Variants in BRWD1 observed in about 807,000 individuals in gnomAD.
BRWD1 encodes the protein bromodomain and WD repeat domain containing 1.
Under a neutral mutation model 251.2 loss-of-function variants are expected in BRWD1, and 82 were observed. The observed-to-expected ratio is 0.33, with a 90% CI of 0.27 to 0.39. The LOEUF (loss-of-function observed/expected upper bound fraction) is 0.39. BRWD1 is among the 10% of genes least tolerant of loss of function. The pLI is 1.00. For missense variants in BRWD1, 2,233 were observed against 2,711.6 expected (o/e 0.82, Z 3.92); for synonymous variants, 918 against 902.8 (o/e 1.02, Z -0.30).
chr21:39,236,794 G>A lies in BRWD1; in HGVS notation c.2577-10C>T, dbSNP rs760078119. ...TCTAGATGAAGAGTCACTAGAAAAG[G>A]GGAGTGCTTTCAGTTGAATGGAGCC... On this transcript the variant is annotated splice_polypyrimidine_tract_variant and intron_variant, in intron 22 of 40. Coordinates refer to ENST00000342449, the MANE Select transcript of BRWD1 (RefSeq NM_033656.4). 43 of 1,610,170 alleles carry A rather than the reference G, an allele frequency of 2.7e-5. No individual in the cohort carries two copies. The South Asian group carries it at 4.4e-4, about 17-fold the overall frequency.
In BRWD1 at chr21:39,190,518, T is replaced by A. The variant is rs931238615; in HGVS notation, c.*5741A>T. ...TCAAATCCACAAAGTGGGTAAACCC[T>A]CTAGGTGCAAGTTATAAGCTCCCTC... On this transcript the variant is annotated 3_prime_UTR_variant, in exon 41 of 41. Coordinates refer to ENST00000342449, the MANE Select transcript of BRWD1 (RefSeq NM_033656.4). 1.3e-5 allele frequency: 13 copies of A among 985,246 alleles called. No individual in the cohort carries two copies. Among genetic ancestry groups the A allele is most frequent in the Non-Finnish European group, 4.8e-6 (4 of 829,922 alleles). 61.0% of individuals were successfully genotyped at this position (985,246 alleles called of 1,614,324 possible). A position where few individuals can be genotyped will look rare whatever the true frequency, so the allele number is the denominator to read the frequency against.
chr21:39,201,370 T>G (rs1397364034), intron 38 of BRWD1, among the ~76,000 whole-genome samples: 1 of 152,182 alleles, frequency 6.6e-6, no homozygotes, highest in East Asian at 1.9e-4. Context: ...CCAAACTTAA[T>G]CTTCCTGAAA....
chr21:39,262,384 A>T (rs2034780212), intron 17 of BRWD1, among the ~76,000 whole-genome samples: 1 of 152,202 alleles, frequency 6.6e-6, no homozygotes, highest in Non-Finnish European at 1.5e-5. Context: ...AATGAATCTC[A>T]AAAGCACCAC....
chr21:39,202,074 G>A (rs879655153), intron 38 of BRWD1, among the ~76,000 whole-genome samples: 10 of 152,202 alleles, frequency 6.6e-5, no homozygotes, highest in Non-Finnish European at 1.0e-4. Flanking sequence ...TTCAAATGCT[G>A]CACACCAAGT....
chr21:39,247,700 CAT>C lies in BRWD1; in HGVS notation c.2480_2481del (p.His827ArgfsTer5). On this transcript the variant is annotated frameshift_variant and splice_region_variant, in exon 21 of 41. Coordinates refer to ENST00000342449, the MANE Select transcript of BRWD1 (RefSeq NM_033656.4). LOFTEE classifies it high-confidence loss of function. ...ATAACATTTTAAAGTTTTCCACTCACATGTCTTACAGAGCTTGAAGACTCATT... is the reference window on the plus strand; with the variant it reads ...ATAACATTTTAAAGTTTTCCACTCACGTCTTACAGAGCTTGAAGACTCATT... Reference protein sequence around the residue: ...SGNESSSSVRHETSCDQSEGS... With the variant: ...SGNESSSSVRXETSCDQSEGS... The C allele has an allele frequency of 6.3e-7, 1 of 1,599,010 alleles. No individual in the cohort carries two copies. The highest frequency in any genetic ancestry group is 8.5e-7 in the Non-Finnish European group (1 of 1,175,364).
At position 39,278,790 on chromosome 21, in the gene BRWD1, TC is replaced by T; in HGVS notation, c.955del (p.Glu319LysfsTer21). The T allele has an allele frequency of 1.3e-6, 2 of 1,595,468 alleles. No homozygotes were observed. The highest frequency in any genetic ancestry group is 1.2e-5 in the South Asian group (1 of 86,650). On this transcript the variant is annotated frameshift_variant, in exon 10 of 41. Coordinates refer to ENST00000342449, the MANE Select transcript of BRWD1 (RefSeq NM_033656.4). LOFTEE classifies it high-confidence loss of function. ...CATTTGAACGCCTGGCCTAGGCTTTTCAGTGAACTTCAGGGGACGTGGGCTT... is the reference window on the plus strand; with the variant it reads ...CATTTGAACGCCTGGCCTAGGCTTTTAGTGAACTTCAGGGGACGTGGGCTT... The part of the protein sequence containing the change: ...KFSPRPLKFT[E>X]KPRPGVQMLC...
chr21:39,313,361 G>T (rs887459074), intron 1 of BRWD1, 62 bp from the exon 2 acceptor site: 1 of 1,479,862 alleles, frequency 6.8e-7, no homozygotes, highest in South Asian at 1.3e-5. Flanking sequence ...CGGGGCCAGG[G>T]GAGCCGGGGG....
chr21:39,286,075 T>A (rs544773381), intron 8 of BRWD1, among the ~76,000 whole-genome samples: 1 of 137,240 alleles, frequency 7.3e-6, no homozygotes, highest in Admixed American at 8.5e-5. Context: ...AGTGCAGTGG[T>A]GCGATCTCGG....
At chr21:39,290,550 G>A (rs1450778566) in intron 8 of BRWD1, among the ~76,000 whole-genome samples, 1 of 151,804 alleles carries the variant, frequency 6.6e-6, no homozygotes, top group Admixed American at 6.6e-5. Context: ...TATTCAGTAG[G>A]TGATAAACGC....
intron 1 of BRWD1, 40 bp from the exon 2 acceptor site, chr21:39,313,339 A>G (rs1601524410): frequency 4.2e-6 from 6 of 1,441,752 alleles, no homozygotes; most frequent in Admixed American, 2.1e-5. Flanking sequence ...CCCGGCGGGG[A>G]GGGGAGGGGG....
At chr21:39,317,719 G>A (rs142778856), upstream of BRWD1, among the ~76,000 whole-genome samples, 4 of 152,320 alleles carry the variant, frequency 2.6e-5, no homozygotes, top group South Asian at 2.1e-4. Context: ...CTCATTTACC[G>A]CAGGCAACTC....
chr21:39,254,792 C>T (rs2034507767), intron 19 of BRWD1, among the ~76,000 whole-genome samples: 1 of 152,176 alleles, frequency 6.6e-6, no homozygotes, highest in African/African-American at 2.4e-5. Flanking sequence ...GCACTGATAG[C>T]TGCTAACATC....
chr21:39,271,083 A>G (rs886563425), intron 13 of BRWD1, among the ~76,000 whole-genome samples: 1 of 151,922 alleles, frequency 6.6e-6, no homozygotes, highest in East Asian at 1.9e-4. Context: ...TCACGAGGTC[A>G]GCGGTTTGAG....
At chr21:39,292,962 A>G (rs750628848) in intron 8 of BRWD1, among the ~76,000 whole-genome samples, 5 of 152,132 alleles carry the variant, frequency 3.3e-5, no homozygotes, top group Non-Finnish European at 4.4e-5. Flanking sequence ...CTTCCATCAT[A>G]ACCGTCACTA....
rs1283004366 is a variant in BRWD1, at chr21:39,186,956, G to A, written c.*9303C>T. 6.7e-7 allele frequency: 1 copy of A among 1,498,958 alleles called. No homozygotes were observed. The highest frequency in any genetic ancestry group is 8.9e-7 in the Non-Finnish European group (1 of 1,129,572). 92.9% of individuals were successfully genotyped at this position (1,498,958 alleles called of 1,614,324 possible). On this transcript the variant is annotated 3_prime_UTR_variant, in exon 41 of 41. Coordinates refer to ENST00000342449, the MANE Select transcript of BRWD1 (RefSeq NM_033656.4). ...TAAGGGAGTAATTTTAGAGCTGGGA[G>A]CAGAATGTAACTGCCAGTTTACTTG...
chr21:39,189,015 A>G lies in BRWD1; in HGVS notation c.*7244T>C, dbSNP rs548769877. ...TAAAGTGCACTGTGTTTACCACTTC[A>G]AAGACACTTCTCTTGGGAATTTTAA... On this transcript the variant is annotated 3_prime_UTR_variant, in exon 41 of 41. Coordinates refer to ENST00000342449, the MANE Select transcript of BRWD1 (RefSeq NM_033656.4). 2.2e-5 allele frequency: 22 copies of G among 985,384 alleles called. No individual in the cohort carries two copies. The South Asian group carries it at 1.0e-3, about 46-fold the overall frequency. 61.0% of individuals were successfully genotyped at this position (985,384 alleles called of 1,614,324 possible).
intron 25 of BRWD1, among the ~76,000 whole-genome samples, chr21:39,231,516 A>G (rs1308124074): frequency 6.6e-6 from 1 of 152,188 alleles, no homozygotes; most frequent in Admixed American, 6.5e-5. Context: ...TGAGTGAACT[A>G]CAATACTCAT....
At chr21:39,302,853 A>T (rs529905321) in intron 4 of BRWD1, among the ~76,000 whole-genome samples, 2 of 152,076 alleles carry the variant, frequency 1.3e-5, no homozygotes, top group Admixed American at 6.5e-5. Context: ...TGAGGCCAAG[A>T]GTTCAAGACC....
intron 5 of BRWD1, chr21:39,296,568 C>A: frequency 4.1e-6 from 5 of 1,213,782 alleles, no homozygotes; most frequent in Non-Finnish European, 5.1e-6. Flanking sequence ...GCAACAACAA[C>A]TAACATTTGT....
Sources: allele counts gnomAD v4.1 joint callset (sites outside exome capture counted in the v4.1 genomes callset), GRCh38; gene constraint gnomAD v4.1.1; transcripts MANE v1.5; gene names NCBI Gene and HGNC (gene_info 2026-07-23, HGNC 2026-07-21).